The following HFM1 variants were observed in gnomAD, a reference collection of about 807,000 sequenced individuals.
The protein encoded by HFM1 is probable ATP-dependent DNA helicase HFM1.
In HFM1, 169 loss-of-function variants were observed where a neutral mutation model predicts 192.1. The ratio of observed to expected loss-of-function variants is 0.88; its 90% CI spans 0.78 to 1.00. The LOEUF (loss-of-function observed/expected upper bound fraction) is 1.00, where lower values mean the gene tolerates loss of function less well. Ranked by LOEUF, HFM1 falls within the 50% of genes least tolerant of loss-of-function variation. The pLI, the probability that HFM1 is intolerant of heterozygous loss-of-function variation, is 0.00. For missense variants in HFM1, 1,661 were observed against 1,668.0 expected, an observed-to-expected ratio of 1.00 and a Z score of 0.07; for synonymous variants, 525 against 537.8, an observed-to-expected ratio of 0.98 and a Z score of 0.33.
chr1:91,385,641 C>G lies in HFM1; in HGVS notation c.688G>C (p.Glu230Gln). 6.2e-7 allele frequency: 1 copy of G among 1,612,852 alleles called. No homozygotes were observed. ...GCTTTGAACATGCCTTCTCCGATTT[C>G]AGAAGCAGAAAAAGCATTATTTGCT... ...FTANNAFSAS[E>Q]IGEGMFKAPS... Residue 230 changes from glutamate (E) to glutamine (Q), a missense_variant, in exon 5 of 39, where the codon GAA becomes CAA. Glu to Gln is a conservative substitution (Grantham distance 29). Transcript: ENST00000370425.
chr1:91,294,519 A>G (rs1647239185), intron 30 of HFM1, among the ~76,000 whole-genome samples: 1 of 152,178 alleles, frequency 6.6e-6, no homozygotes, highest in Non-Finnish European at 1.5e-5. Context: ...CCAACCATCT[A>G]TTTTTGTAAA....
Position 91,324,660 on chromosome 1 carries a change from T to C in HFM1, c.2427+15A>G. The C allele has an allele frequency of 8.4e-7, 1 of 1,187,902 alleles. No individual in the cohort carries two copies. The highest frequency in any genetic ancestry group is 1.3e-6 in the Non-Finnish European group (1 of 799,820). The allele number at this position is 1,187,902 out of a possible 1,614,324, so 73.6% of individuals were successfully genotyped here. A position where few individuals can be genotyped will look rare whatever the true frequency, so the allele number is the denominator to read the frequency against. On this transcript the variant is annotated intron_variant, in intron 21 of 38. Transcript: ENST00000370425. ...ATACCACTATGTATTTTTTTTCTAG[T>C]GAAAATTAATTTACCAGATCTGATA...
At chr1:91,290,666 C>T (rs1570806672) in intron 30 of HFM1, among the ~76,000 whole-genome samples, 2 of 152,032 alleles carry the variant, frequency 1.3e-5, no homozygotes, top group South Asian at 2.1e-4. Context: ...AACAAGGATA[C>T]CCAGGAATTG....
chr1:91,269,693 T>A (rs1463763115), intron 34 of HFM1, among the ~76,000 whole-genome samples: 2 of 152,160 alleles, frequency 1.3e-5, no homozygotes, highest in Non-Finnish European at 2.9e-5. Flanking sequence ...GACATACTCT[T>A]CTAAGGTGAT....
At chr1:91,405,591 A>G (rs1571266087), upstream of HFM1, among the ~76,000 whole-genome samples, 1 of 152,124 alleles carries the variant, frequency 6.6e-6, no homozygotes, top group Admixed American at 6.5e-5. Flanking sequence ...TAGCTATATG[A>G]CCTTGGAAAA....
intron 25 of HFM1, among the ~76,000 whole-genome samples, chr1:91,318,753 T>C (rs923004401): frequency 2.6e-5 from 4 of 152,142 alleles, no homozygotes; most frequent in African/African-American, 9.7e-5. Context: ...AAAATATTCA[T>C]CAAAAAAGTG....
intron 30 of HFM1, among the ~76,000 whole-genome samples, chr1:91,302,942 A>C (rs1183439987): frequency 6.6e-6 from 1 of 152,184 alleles, no homozygotes; most frequent in Non-Finnish European, 1.5e-5. Flanking sequence ...AATTAAAATA[A>C]AATAAAATAA....
intron 20 of HFM1, among the ~76,000 whole-genome samples, chr1:91,330,390 T>C (rs554173438): frequency 2.6e-5 from 4 of 152,166 alleles, no homozygotes; most frequent in African/African-American, 9.6e-5. Context: ...TGCCAATATA[T>C]TGGAAAATCT....
At chr1:91,385,287 C>A in intron 5 of HFM1, 53 bp from the exon 6 acceptor site, 2 of 1,055,002 alleles carry the variant, frequency 1.9e-6, no homozygotes, top group South Asian at 2.8e-5. Flanking sequence ...AATTAATGGT[C>A]AGAAGCTAGG....
At chr1:91,294,372 A>C (rs1647219111) in intron 30 of HFM1, among the ~76,000 whole-genome samples, 1 of 152,176 alleles carries the variant, frequency 6.6e-6, no homozygotes, top group African/African-American at 2.4e-5. Context: ...ACATGGACTC[A>C]TACAGTATTA....
rs140925260 is a variant in HFM1, at chr1:91,276,633, G to A, written c.3583C>T (p.Leu1195=). 127 of 1,465,886 alleles carry A rather than the reference G, an allele frequency of 8.7e-5. No homozygotes were observed. In the African/African-American group the frequency reaches 1.6e-3, roughly 18 times the overall value. 90.8% of individuals were successfully genotyped at this position (1,465,886 alleles called of 1,614,324 possible). A position where few individuals can be genotyped will look rare whatever the true frequency, so the allele number is the denominator to read the frequency against. Residue 1195 remains leucine, a synonymous_variant, in exon 32 of 39, where the codon CTG becomes TTG. Transcript: ENST00000370425. ...AAAATGTTATTAAAACTAACCTTCA[G>A]ACGTTTAACTGGAGGAACAGATGAA... is the stretch of plus-strand genomic sequence containing the variant. ...AVSSVPPVKR[L]KIQMNKSQSV...
Position 91,401,066 on chromosome 1 carries a change from T to A in HFM1, c.17A>T (p.Asp6Val). 1 of 1,551,166 alleles carries A rather than the reference T, an allele frequency of 6.4e-7. No homozygotes were observed. Among genetic ancestry groups the A allele is most frequent in the Non-Finnish European group, 8.7e-7 (1 of 1,152,652 alleles). Residue 6 changes from aspartate (D) to valine (V), a missense_variant, in exon 2 of 39, where the codon GAT (aspartate) becomes GTT (valine). Asp to Val is a radical substitution (Grantham distance 152). Coordinates refer to ENST00000370425, the MANE Select transcript of HFM1 (RefSeq NM_001017975.6). ...CAAATTTTCCAAAGAAAACAGGCAA[T>A]CATTTGATTTCAGCATTGTTGAAAA... MLKSN[D>V]CLFSLENLFF...
intron 23 of HFM1, among the ~76,000 whole-genome samples, chr1:91,322,118 G>T (rs282003): frequency 0.49 from 74,589 of 151,978 alleles, 19,139 homozygotes; most frequent in African/African-American, 0.66. Flanking sequence ...TTTGAATATA[G>T]AAGTACAGCT....
chr1:91,371,146 C>T (rs1264727584), intron 13 of HFM1, among the ~76,000 whole-genome samples: 14 of 152,036 alleles, frequency 9.2e-5, no homozygotes, highest in Non-Finnish European at 1.8e-4. Flanking sequence ...GAATCAATAT[C>T]CTGAAAATGG....
intron 30 of HFM1, among the ~76,000 whole-genome samples, chr1:91,302,228 A>G (rs982751806): frequency 6.6e-6 from 1 of 151,690 alleles, no homozygotes; most frequent in African/African-American, 2.4e-5. Context: ...CAAAACCACA[A>G]TGAGATACCA....
At chr1:91,303,375 A>G (rs908830639) in intron 30 of HFM1, among the ~76,000 whole-genome samples, 4 of 152,196 alleles carry the variant, frequency 2.6e-5, no homozygotes, top group African/African-American at 9.7e-5. Context: ...ATAATATTCC[A>G]TTGTATGGAT....
chr1:91,291,876 T>G (rs1409334950), intron 30 of HFM1, among the ~76,000 whole-genome samples: 2 of 152,150 alleles, frequency 1.3e-5, no homozygotes, highest in Non-Finnish European at 2.9e-5. Context: ...GCTTCATCCC[T>G]GGGATGCAAG....
chr1:91,365,320 A>G (rs1017609449), intron 13 of HFM1, among the ~76,000 whole-genome samples: 1 of 151,988 alleles, frequency 6.6e-6, no homozygotes, highest in African/African-American at 2.4e-5. Flanking sequence ...AATAAAAATT[A>G]TTTTGGATTA....
chr1:91,343,363 A>C, intron 20 of HFM1, 67 bp downstream of exon 20: 2 of 770,026 alleles, frequency 2.6e-6, no homozygotes, highest in Non-Finnish European at 4.2e-6. Flanking sequence ...AAATTTTAGT[A>C]AAACAAAATT....
Sources: allele counts gnomAD v4.1 joint callset (sites outside exome capture counted in the v4.1 genomes callset), GRCh38; gene constraint gnomAD v4.1.1; transcripts MANE v1.5; gene names NCBI Gene and HGNC (gene_info 2026-07-23, HGNC 2026-07-21).